The following LRRC4B variants were observed in gnomAD, a reference collection of about 807,000 sequenced individuals.
LRRC4B encodes the protein leucine-rich repeat-containing protein 4B.
In LRRC4B, 1 loss-of-function variant was observed where a neutral mutation model predicts 7.3. That is an observed-to-expected ratio of 0.14 (90% CI 0.05 to 0.65). The LOEUF is 0.65. Ranked by LOEUF, LRRC4B falls within the 30% of genes least tolerant of loss-of-function variation. LRRC4B has a pLI of 0.84. For missense variants in LRRC4B, 730 were observed against 1,041.6 expected (o/e 0.70, Z 4.12); for synonymous variants, 500 against 499.2 (o/e 1.00, Z -0.02).
At chr19:50,538,108 G>A (rs972220047) in intron 2 of LRRC4B, among the ~76,000 whole-genome samples, 23 of 147,014 alleles carry the variant, frequency 1.6e-4, no homozygotes, top group African/African-American at 5.2e-4. Flanking sequence ...TGCCCAGGCT[G>A]GAGTGCAGTG....
At chr19:50,566,320 T>C (rs1982626612) in intron 1 of LRRC4B, among the ~76,000 whole-genome samples, 1 of 149,076 alleles carries the variant, frequency 6.7e-6, no homozygotes, top group Non-Finnish European at 1.5e-5. Context: ...GTGAGGCGCA[T>C]AGCAATGGGG....
chr19:50,539,406 C>T (rs1340841027), intron 2 of LRRC4B, among the ~76,000 whole-genome samples: 3 of 152,198 alleles, frequency 2.0e-5, no homozygotes, highest in Non-Finnish European at 2.9e-5. Flanking sequence ...GTCATCCTGC[C>T]CTCACAGGAA....
intron 2 of LRRC4B, among the ~76,000 whole-genome samples, chr19:50,528,955 T>C (rs1980936322): frequency 6.6e-6 from 1 of 152,088 alleles, no homozygotes; most frequent in Non-Finnish European, 1.5e-5. Flanking sequence ...TGCCTGGGCA[T>C]GAGGCTGGGG....
At chr19:50,536,029 T>G (rs917944285) in intron 2 of LRRC4B, among the ~76,000 whole-genome samples, 52 of 152,070 alleles carry the variant, frequency 3.4e-4, no homozygotes, top group Non-Finnish European at 1.6e-4. Context: ...GCACAGGCCA[T>G]GGGCCTACAC....
chr19:50,559,660 T>C (rs747423429), intron 1 of LRRC4B, among the ~76,000 whole-genome samples: 3 of 152,242 alleles, frequency 2.0e-5, no homozygotes, highest in Non-Finnish European at 2.9e-5. Flanking sequence ...GCTCCACTCA[T>C]AGGGGTCCTG....
rs1980378929 is a variant in LRRC4B, at chr19:50,518,137, G to A, written c.1576C>T (p.Arg526Trp). ...GCAGGGCCGGCCGCGTCCCCAGGCC[G>A]GCCCCCACCCCAGACACCGTCTGTC... ...PTTDGVWGGGRPGDAAGPASS... is the reference protein window; with the variant it reads ...PTTDGVWGGGWPGDAAGPASS... Residue 526 changes from arginine to tryptophan, a missense_variant, in exon 3 of 3, where the codon CGG (arginine) becomes TGG (tryptophan). Arg to Trp is a moderately radical substitution (Grantham distance 101, BLOSUM62 -3). Transcript: ENST00000652263. 1 of 1,597,984 alleles carries A rather than the reference G, an allele frequency of 6.3e-7. No individual in the cohort carries two copies. Among genetic ancestry groups the A allele is most frequent in the Non-Finnish European group, 8.5e-7 (1 of 1,175,576 alleles).
intron 2 of LRRC4B, among the ~76,000 whole-genome samples, chr19:50,522,786 G>C (rs1312489557): frequency 6.6e-6 from 1 of 152,164 alleles, no homozygotes; most frequent in Non-Finnish European, 1.5e-5. Flanking sequence ...CCACATGAAA[G>C]TAAAGCTTTT....
rs1373456297 is a variant in LRRC4B, at chr19:50,519,408, C to T, written c.305G>A (p.Arg102Gln). The change falls in exon 3 of 3, where the codon CGG becomes CAG. Residue 102 changes from arginine (R) to glutamine (Q), a missense_variant. Around this residue, in one of 6 missense-constraint regions of LRRC4B, gnomAD observed 143 missense variants for 158.4 expected, o/e 0.90. Coordinates refer to ENST00000652263, the MANE Select transcript of LRRC4B (RefSeq NM_001080457.2). This position sits in a 1 kb window ranked among gnomAD's most constrained non-coding sequence, Gnocchi z 8.1. Reference protein sequence around the residue: ...NLQENGIQVIRTDTFKHLRHL... With the variant: ...NLQENGIQVIQTDTFKHLRHL... ...CCGCAGGTGCTTGAACGTGTCCGTC[C>T]GGATCACCTGGGGAGAGGGAGACAC... 5.0e-6 allele frequency: 8 copies of T among 1,592,738 alleles called. No homozygotes were observed. Among genetic ancestry groups the T allele is most frequent in the Middle Eastern group, 1.7e-4 (1 of 6,028 alleles).
rs1980302159 is a variant in LRRC4B at position 50,517,204 on chromosome 19, G to A, written c.*367C>T. On this transcript the variant is annotated 3_prime_UTR_variant, in exon 3 of 3. Transcript: ENST00000652263. The surrounding 1 kb of genome is among the most constrained non-coding windows in gnomAD (Gnocchi z 6.6). ...TAAAAGGAAGGTGTTTGGGGCCGAGGGGAAAGGACACCCCTGGAGAAAGCT... is the reference window on the plus strand; with the variant it reads ...TAAAAGGAAGGTGTTTGGGGCCGAGAGGAAAGGACACCCCTGGAGAAAGCT... The A allele has an allele frequency of 1.6e-5, 3 of 184,590 alleles. No individual in the cohort carries two copies. The allele number at this position is 184,590 out of a possible 1,614,324, so 11.4% of individuals were successfully genotyped here.
chr19:50,565,831 G>A (rs1299191799), intron 1 of LRRC4B, among the ~76,000 whole-genome samples: 1 of 138,026 alleles, frequency 7.2e-6, no homozygotes, highest in African/African-American at 2.5e-5. Context: ...GTGTGTCCCC[G>A]GCTCCCCGAC....
chr19:50,554,725 G>A (rs1449431652), intron 1 of LRRC4B, among the ~76,000 whole-genome samples: 1 of 152,216 alleles, frequency 6.6e-6, no homozygotes, highest in Non-Finnish European at 1.5e-5. Context: ...ACTTGCATTA[G>A]CCACCGCAGT....
rs1312049290 is a variant in LRRC4B at position 50,553,886 on chromosome 19, G to T, written c.-35-5013C>A. ...CCCCACTCTCCGTTCTGCACACCGAGCCAGGCCGCACTGCAATAGCTGCAC... is the reference window on the plus strand; with the variant it reads ...CCCCACTCTCCGTTCTGCACACCGATCCAGGCCGCACTGCAATAGCTGCAC... On this transcript the variant is annotated intron_variant, in intron 1 of 2. Transcript: ENST00000652263. This position sits in a 1 kb window ranked among gnomAD's most constrained non-coding sequence, Gnocchi z 4.2. 6.6e-6 allele frequency among the ~76,000 whole-genome samples: 1 copy of T among 151,838 alleles called. No homozygotes were observed. Among genetic ancestry groups the T allele is most frequent in the East Asian group, 1.9e-4 (1 of 5,162 alleles).
intron 2 of LRRC4B, among the ~76,000 whole-genome samples, chr19:50,539,620 G>A (rs929706348): frequency 2.0e-5 from 3 of 151,810 alleles, no homozygotes; most frequent in African/African-American, 7.3e-5. Flanking sequence ...TGGGTGTGGT[G>A]GCTCACACAT....
Position 50,517,901 on chromosome 19 carries a change from C to A in LRRC4B, c.1812G>T (p.Gln604His). ...VAFYKLRKQH[Q>H]LHKHHGPTRT... is the part of the protein sequence containing the mutation. ...GCGTGGGCCCGTGGTGCTTGTGGAG[C>A]TGGTGCTGCTTGCGCAGCTTGTAGA... Residue 604 changes from glutamine (Q) to histidine (H), a missense_variant, in exon 3 of 3, where the codon CAG becomes CAT. Gln to His is a conservative substitution (Grantham distance 24, BLOSUM62 0). This residue lies in a region of LRRC4B where 160 missense variants were observed against 163.9 expected (regional missense o/e 0.98). Coordinates refer to ENST00000652263, the MANE Select transcript of LRRC4B (RefSeq NM_001080457.2). The surrounding 1 kb of genome is among the most constrained non-coding windows in gnomAD (Gnocchi z 6.6). 1.3e-6 allele frequency: 2 copies of A among 1,589,018 alleles called. No homozygotes were observed. Among genetic ancestry groups the A allele is most frequent in the Non-Finnish European group, 1.7e-6 (2 of 1,171,824 alleles).
intron 2 of LRRC4B, among the ~76,000 whole-genome samples, chr19:50,542,173 T>C (rs966640052): frequency 6.6e-6 from 1 of 151,830 alleles, no homozygotes; most frequent in Non-Finnish European, 1.5e-5. Context: ...GATATGAGGA[T>C]AAAAGGGAGG....
intron 1 of LRRC4B, among the ~76,000 whole-genome samples, chr19:50,552,070 G>A (rs1041929126): frequency 3.3e-5 from 5 of 152,112 alleles, no homozygotes; most frequent in Admixed American, 1.3e-4. Context: ...GAAGGTTGCC[G>A]GCTGGGCTGC....
At chr19:50,561,000 A>G (rs1385394920) in intron 1 of LRRC4B, among the ~76,000 whole-genome samples, 1 of 152,156 alleles carries the variant, frequency 6.6e-6, no homozygotes, top group Non-Finnish European at 1.5e-5. Context: ...TTGAGACAGG[A>G]GAATCGCTTG....
At chr19:50,549,961 C>A (rs1417606488) in intron 1 of LRRC4B, among the ~76,000 whole-genome samples, 3 of 152,102 alleles carry the variant, frequency 2.0e-5, no homozygotes, top group African/African-American at 7.2e-5. Flanking sequence ...CACGCTGTAC[C>A]TCCCCAATCT....
In LRRC4B at chr19:50,558,508, C is replaced by T. The variant is rs138277451; in HGVS notation, c.-36+9436G>A. Among the ~76,000 whole-genome samples, 8 of 152,310 alleles carry T rather than the reference C, an allele frequency of 5.3e-5. No homozygotes were observed. The East Asian group carries it at 7.7e-4, about 15-fold the overall frequency. ...GCCTCCCAAAGTGCTGGATTATAAG[C>T]GTGAGCCACGGCACCCGGCTGTATT... On this transcript the variant is annotated intron_variant, in intron 1 of 2. Coordinates refer to ENST00000652263, the MANE Select transcript of LRRC4B (RefSeq NM_001080457.2).
Sources: gnomAD v4.1 joint callset for allele counts (sites outside exome capture counted in the v4.1 genomes callset) on GRCh38, gnomAD v4.1.1 for gene constraint, gnomAD v4.1.1 regional missense constraint, Gnocchi (gnomAD v3.1) non-coding constraint, MANE v1.5 for transcripts, NCBI Gene and HGNC (gene_info 2026-07-23, HGNC 2026-07-21) for gene names.